The following CDK14 variants were observed in gnomAD, a reference collection of about 807,000 sequenced individuals.
CDK14 encodes cyclin dependent kinase 14, also known as cyclin-dependent kinase 14.
Under a neutral mutation model 60.7 loss-of-function variants are expected in CDK14, and 34 were observed. That is an observed-to-expected ratio of 0.56 (90% CI 0.43 to 0.75). CDK14 has a LOEUF of 0.75. CDK14 is among the 30% of genes least tolerant of loss of function. The pLI is 0.00. For synonymous variants in CDK14, 197 were observed against 203.7 expected, an observed-to-expected ratio of 0.97 and a Z score of 0.28; for missense variants, 482 against 564.1, an observed-to-expected ratio of 0.85 and a Z score of 1.47.
chr7:91,090,996 TTG>T (rs4015335), intron 12 of CDK14, among the ~76,000 whole-genome samples: 61,389 of 150,156 alleles, frequency 0.41, 12,764 homozygotes, highest in South Asian at 0.49. Context: ...TTGGTTTTGT[TTG>T]TGTGTGTGTG....
intron 8 of CDK14, among the ~76,000 whole-genome samples, chr7:90,921,697 A>G (rs139317341): frequency 3.9e-5 from 6 of 152,320 alleles, no homozygotes; most frequent in South Asian, 2.1e-4. Flanking sequence ...CGAGAATTCT[A>G]TAATATAAGC....
chr7:90,794,644 A>G (rs1416460471), intron 5 of CDK14, among the ~76,000 whole-genome samples: 3 of 152,218 alleles, frequency 2.0e-5, no homozygotes, highest in Non-Finnish European at 4.4e-5. Context: ...TTCCCTGAAC[A>G]TCGCTGTTAT....
chr7:90,629,498 G>T (rs1799947842), intron 2 of CDK14, among the ~76,000 whole-genome samples: 1 of 152,090 alleles, frequency 6.6e-6, no homozygotes, highest in Non-Finnish European at 1.5e-5. Context: ...GTCTCAGTAG[G>T]AGTGGTACTG....
intron 14 of CDK14, among the ~76,000 whole-genome samples, chr7:91,198,379 T>A (rs1274414678): frequency 6.6e-6 from 1 of 152,114 alleles, no homozygotes; most frequent in Admixed American, 6.6e-5. Flanking sequence ...ATAAACTTGA[T>A]GTAAGGGTTG....
At position 91,210,099 on chromosome 7, in the gene CDK14, T is replaced by C. The variant is rs1438294318; in HGVS notation, c.*2963T>C. 6.5e-6 allele frequency: 1 copy of C among 152,684 alleles called. No homozygotes were observed. The highest frequency in any genetic ancestry group is 1.5e-5 in the Non-Finnish European group (1 of 68,044). 9.5% of individuals were successfully genotyped at this position (152,684 alleles called of 1,614,324 possible). A position where few individuals can be genotyped will look rare whatever the true frequency, so the allele number is the denominator to read the frequency against. On this transcript the variant is annotated 3_prime_UTR_variant, in exon 15 of 15. Coordinates refer to ENST00000380050, the MANE Select transcript of CDK14 (RefSeq NM_001287135.2). ...TAGATTATTGCCTGCCCCTTATACATAGGAATATGCTGCATAATTGCGCAT... is the reference window on the plus strand; with the variant it reads ...TAGATTATTGCCTGCCCCTTATACACAGGAATATGCTGCATAATTGCGCAT...
chr7:90,985,480 TCAGTAGAGCTTC>T (rs1407888959), intron 10 of CDK14, among the ~76,000 whole-genome samples: 50 of 152,318 alleles, frequency 3.3e-4, no homozygotes, highest in African/African-American at 1.0e-3. Flanking sequence ...TGCCAGATAT[TCAGTAGAGCTTC>T]CAGTAGAGCT....
chr7:90,781,391 C>G (rs578251310), intron 4 of CDK14, among the ~76,000 whole-genome samples: 4,351 of 151,288 alleles, frequency 0.029, 101 homozygotes, highest in Non-Finnish European at 0.039. Context: ...ATGGTAGTTT[C>G]TTTTGCTGTG....
At chr7:90,706,170 C>G (rs539995456) in intron 2 of CDK14, among the ~76,000 whole-genome samples, 2 of 152,178 alleles carry the variant, frequency 1.3e-5, no homozygotes, top group African/African-American at 4.8e-5. Context: ...GGCATAGTTT[C>G]AGACATCTCA....
At chr7:90,799,612 C>T (rs1163517629) in intron 5 of CDK14, among the ~76,000 whole-genome samples, 2 of 144,502 alleles carry the variant, frequency 1.4e-5, no homozygotes, top group Non-Finnish European at 1.5e-5. Context: ...ATCACTTGAA[C>T]CTGGGAGGCA....
At chr7:91,064,665 G>A (rs373228178) in intron 11 of CDK14, among the ~76,000 whole-genome samples, 55 of 152,202 alleles carry the variant, frequency 3.6e-4, no homozygotes, top group African/African-American at 1.2e-3. Flanking sequence ...TTCTAGCCTC[G>A]GTTTACCCAT....
Position 90,604,944 on chromosome 7 carries a change from A to G in CDK14, c.123+695A>G, listed in dbSNP as rs116989501. Among the ~76,000 whole-genome samples the G allele has an allele frequency of 7.0e-3, 1,072 of 152,288 alleles. 6 individuals carry two copies. Among genetic ancestry groups the G allele is most frequent in the Non-Finnish European group, 9.0e-3 (612 of 68,012 alleles). The stretch of plus-strand genomic sequence containing the variant: ...GAAATGTTTCATTGTAACCATCCTG[A>G]GCCACACTCATTGATCTGTGTTGTA... On this transcript the variant is annotated intron_variant, in intron 2 of 14. Transcript: ENST00000380050.
chr7:90,676,509 A>G lies in CDK14; in HGVS notation c.124-50058A>G, dbSNP rs547161340. On this transcript the variant is annotated intron_variant, in intron 2 of 14. Coordinates refer to ENST00000380050, the MANE Select transcript of CDK14 (RefSeq NM_001287135.2). ...CATGGTTGGCATCTGCAACTCCAGG[A>G]CCAGTCTTAGATGTTTCATTTTTTT... 3.3e-5 allele frequency among the ~76,000 whole-genome samples: 5 copies of G among 150,090 alleles called. No individual in the cohort carries two copies. The East Asian group carries it at 9.7e-4, about 29-fold the overall frequency.
At chr7:90,785,288 G>A (rs1239863601) in intron 4 of CDK14, among the ~76,000 whole-genome samples, 1 of 152,112 alleles carries the variant, frequency 6.6e-6, no homozygotes, top group East Asian at 1.9e-4. Context: ...GATAATATTT[G>A]TAATTTTGTT....
rs1800572810 is a variant in CDK14, at chr7:91,144,706, A to G, written c.*28+26498A>G. The stretch of plus-strand genomic sequence containing the variant: ...CCTTAAAATACCAACAATTTTGGCC[A>G]GGATTTCTAAAGTGCCTGGAGCAAG... On this transcript the variant is annotated intron_variant, in intron 14 of 14. Coordinates refer to ENST00000380050, the MANE Select transcript of CDK14 (RefSeq NM_001287135.2). Among the ~76,000 whole-genome samples, 5 of 152,350 alleles carry G rather than the reference A, an allele frequency of 3.3e-5. No homozygotes were observed. The South Asian group carries it at 1.0e-3, about 32-fold the overall frequency.
At chr7:90,610,074 T>A (rs1300659509) in intron 2 of CDK14, among the ~76,000 whole-genome samples, 1 of 152,218 alleles carries the variant, frequency 6.6e-6, no homozygotes, top group African/African-American at 2.4e-5. Context: ...CCCTGTATCT[T>A]TTCTTTGCCG....
At chr7:91,086,785 A>G (rs1182155299) in intron 12 of CDK14, among the ~76,000 whole-genome samples, 2 of 152,174 alleles carry the variant, frequency 1.3e-5, no homozygotes, top group Admixed American at 6.5e-5. Flanking sequence ...CCTTATGTAA[A>G]AGAAACACAT....
At chr7:91,015,488 T>G (rs1051191067) in intron 10 of CDK14, among the ~76,000 whole-genome samples, 1 of 150,936 alleles carries the variant, frequency 6.6e-6, no homozygotes, top group Non-Finnish European at 1.5e-5. Flanking sequence ...ATAGGTTTGT[T>G]GGGTCTCCCT....
At chr7:90,719,716 G>GA (rs568419998) in intron 2 of CDK14, among the ~76,000 whole-genome samples, 137 of 151,954 alleles carry the variant, frequency 9.0e-4, no homozygotes, top group Admixed American at 2.8e-3. Flanking sequence ...GAATTTACTG[G>GA]AAAAAAAAGT....
intron 2 of CDK14, among the ~76,000 whole-genome samples, chr7:90,615,744 G>A (rs1799637952): frequency 1.3e-5 from 2 of 152,012 alleles, no homozygotes; most frequent in Non-Finnish European, 1.5e-5. Flanking sequence ...CTATTTTAAC[G>A]GATTTTCAAA....
Sources: allele counts gnomAD v4.1 joint callset (sites outside exome capture counted in the v4.1 genomes callset), GRCh38; gene constraint gnomAD v4.1.1; transcripts MANE v1.5; gene names NCBI Gene and HGNC (gene_info 2026-07-23, HGNC 2026-07-21).